The following DGKB variants were observed in gnomAD, a reference collection of about 807,000 sequenced individuals.
DGKB encodes the protein diacylglycerol kinase beta.
A neutral mutation model predicts 114.3 loss-of-function variants in DGKB; 67 were observed. The ratio of observed to expected loss-of-function variants is 0.59; its 90% CI spans 0.48 to 0.72. The LOEUF is 0.72. Among genes scored for constraint, DGKB ranks in the 30% least tolerant of loss-of-function variants. The pLI is 0.00. For missense variants in DGKB, 907 were observed against 975.2 expected, an observed-to-expected ratio of 0.93 and a Z score of 0.93; for synonymous variants, 398 against 323.1, an observed-to-expected ratio of 1.23 and a Z score of -2.49.
intron 1 of DGKB, among the ~76,000 whole-genome samples, chr7:14,876,573 T>A (rs1853323301): frequency 6.6e-6 from 1 of 152,230 alleles, no homozygotes; most frequent in African/African-American, 2.4e-5. Context: ...CTTAGGTTTC[T>A]TAGATTTTGT....
At chr7:14,619,063 T>C (rs1390945258) in intron 15 of DGKB, among the ~76,000 whole-genome samples, 1 of 151,584 alleles carries the variant, frequency 6.6e-6, no homozygotes, top group Non-Finnish European at 1.5e-5. Flanking sequence ...TCTCCAAAAC[T>C]ATGTGGCTAT....
chr7:14,718,833 A>T (rs1828675266), intron 5 of DGKB, 148 bp from the exon 6 acceptor site: 1 of 612,372 alleles, frequency 1.6e-6, no homozygotes, highest in African/African-American at 1.9e-5. Flanking sequence ...AGATCGGTAC[A>T]GCAGCTAGAC....
chr7:14,472,343 T>C (rs1781542447), intron 21 of DGKB, among the ~76,000 whole-genome samples: 1 of 152,188 alleles, frequency 6.6e-6, no homozygotes, highest in Non-Finnish European at 1.5e-5. Context: ...GGAGTTTCCC[T>C]GCACAAGCTA....
At chr7:14,805,355 G>T (rs1842667677) in intron 2 of DGKB, among the ~76,000 whole-genome samples, 1 of 152,078 alleles carries the variant, frequency 6.6e-6, no homozygotes, top group Non-Finnish European at 1.5e-5. Flanking sequence ...GAGTGGATTA[G>T]TGTAAGATTC....
chr7:14,868,844 T>TTGCATATTTAAGCACTAAACCAG (rs1374160404), intron 1 of DGKB, among the ~76,000 whole-genome samples: 41 of 152,276 alleles, frequency 2.7e-4, no homozygotes, highest in Non-Finnish European at 4.7e-4. Flanking sequence ...GCAGATTCTG[T>TTGCATATTTAAGCACTAAACCAG]TGCATATTTA....
At chr7:14,505,477 A>G (rs1786893498) in intron 20 of DGKB, among the ~76,000 whole-genome samples, 1 of 152,034 alleles carries the variant, frequency 6.6e-6, no homozygotes, top group African/African-American at 2.4e-5. Context: ...AGAAAAAGAA[A>G]AAATAAATTC....
At position 14,163,889 on chromosome 7, in the gene DGKB, G is replaced by A. The variant is rs563126411; in HGVS notation, c.2304+12950C>T. Among the ~76,000 whole-genome samples the A allele has an allele frequency of 9.2e-5, 14 of 152,130 alleles. No homozygotes were observed. The South Asian group carries it at 2.9e-3, about 32-fold the overall frequency. On this transcript the variant is annotated intron_variant, in intron 25 of 25. Coordinates refer to ENST00000402815, the MANE Select transcript of DGKB (RefSeq NM_001350709.2). ...AGGTGCCTGTAATCTCAGCTACCCGGGAGGCTGAGGCAGGAGAATCGCTTG... is the reference window on the plus strand; with the variant it reads ...AGGTGCCTGTAATCTCAGCTACCCGAGAGGCTGAGGCAGGAGAATCGCTTG...
At chr7:14,210,271 T>C (rs1265042708) in intron 23 of DGKB, among the ~76,000 whole-genome samples, 3 of 152,048 alleles carry the variant, frequency 2.0e-5, no homozygotes, top group Non-Finnish European at 4.4e-5. Flanking sequence ...AATGCCTCCG[T>C]TACTGGGGGC....
intron 23 of DGKB, among the ~76,000 whole-genome samples, chr7:14,279,214 G>C (rs62443675): frequency 0.12 from 18,463 of 152,084 alleles, 3,216 homozygotes; most frequent in African/African-American, 0.38. Context: ...TATCCCGCAC[G>C]TGGCTCGGAG....
chr7:14,216,145 A>G (rs1364891297), intron 23 of DGKB, among the ~76,000 whole-genome samples: 1 of 152,210 alleles, frequency 6.6e-6, no homozygotes, highest in African/African-American at 2.4e-5. Context: ...AATGCCATTA[A>G]GGAAATAATA....
intron 20 of DGKB, among the ~76,000 whole-genome samples, chr7:14,532,068 T>A (rs1241583784): frequency 6.6e-6 from 1 of 151,278 alleles, no homozygotes; most frequent in Admixed American, 6.6e-5. Context: ...CAGAACTATA[T>A]CCATATCGTT....
At chr7:14,681,798 C>G (rs1268625509) in intron 12 of DGKB, among the ~76,000 whole-genome samples, 4 of 152,058 alleles carry the variant, frequency 2.6e-5, no homozygotes, top group Non-Finnish European at 5.9e-5. Context: ...CTAGATTTGA[C>G]AGTCATTCAA....
At chr7:14,506,949 T>C (rs558394225) in intron 20 of DGKB, among the ~76,000 whole-genome samples, 32 of 152,186 alleles carry the variant, frequency 2.1e-4, no homozygotes, top group Non-Finnish European at 4.1e-4. Context: ...TGCCCTCTTT[T>C]CTATTCCATG....
chr7:14,630,164 G>A (rs1809426103), intron 14 of DGKB, 72 bp downstream of exon 14: 5 of 989,628 alleles, frequency 5.1e-6, no homozygotes, highest in Admixed American at 3.4e-5. Flanking sequence ...AGCACAAAAT[G>A]TTCTTTACAG....
intron 1 of DGKB, among the ~76,000 whole-genome samples, chr7:14,929,149 T>G (rs923792397): frequency 4.6e-5 from 7 of 151,988 alleles, no homozygotes; most frequent in African/African-American, 1.7e-4. Flanking sequence ...AACACTTAGG[T>G]TGATTCCATA....
At position 14,149,105 on chromosome 7, in the gene DGKB, AT is replaced by A. The variant is rs1354839875; in HGVS notation, c.*25del. 3 of 1,592,092 alleles carry A rather than the reference AT, an allele frequency of 1.9e-6. No individual in the cohort carries two copies. Among genetic ancestry groups the A allele is most frequent in the Non-Finnish European group, 2.6e-6 (3 of 1,160,242 alleles). On this transcript the variant is annotated 3_prime_UTR_variant, in exon 26 of 26. Transcript: ENST00000402815. ...TCCATGGCCCAATTATGCTAATTCA[AT>A]TTCTAAGAGTGAAACAACACAGGAT...
At chr7:14,708,786 C>T (rs1047314727) in intron 6 of DGKB, among the ~76,000 whole-genome samples, 2 of 149,840 alleles carry the variant, frequency 1.3e-5, no homozygotes, top group African/African-American at 5.0e-5. Flanking sequence ...AACTGGATCC[C>T]TTCCTTACAC....
chr7:14,399,491 C>T (rs887558814), intron 21 of DGKB, among the ~76,000 whole-genome samples: 22 of 151,448 alleles, frequency 1.5e-4, no homozygotes, highest in African/African-American at 3.6e-4. Flanking sequence ...CTTACAAAGC[C>T]ATTCATCCTG....
intron 21 of DGKB, among the ~76,000 whole-genome samples, chr7:14,446,272 A>C (rs1193461332): frequency 1.3e-5 from 2 of 152,132 alleles, no homozygotes; most frequent in East Asian, 3.9e-4. Context: ...CATTCAATCG[A>C]AAGTGGTTCT....
Sources: gnomAD v4.1 joint callset for allele counts (sites outside exome capture counted in the v4.1 genomes callset) on GRCh38, gnomAD v4.1.1 for gene constraint, MANE v1.5 for transcripts, NCBI Gene and HGNC (gene_info 2026-07-23, HGNC 2026-07-21) for gene names.